Variants in KPNA5 observed in about 807,000 individuals in gnomAD.
The protein encoded by KPNA5 is importin subunit alpha-6.
KPNA5 carries 46 observed loss-of-function variants against 71.3 expected under a neutral mutation model. That is an observed-to-expected ratio of 0.65 (90% CI 0.51 to 0.83). The LOEUF is 0.83. Among genes scored for constraint, KPNA5 ranks in the 40% least tolerant of loss-of-function variants. The pLI is 0.00. For missense variants in KPNA5, 547 were observed against 628.3 expected, an observed-to-expected ratio of 0.87 and a Z score of 1.38; for synonymous variants, 207 against 201.4, an observed-to-expected ratio of 1.03 and a Z score of -0.24.
chr6:116,682,614 T>G (rs1777407516), intron 1 of KPNA5, among the ~76,000 whole-genome samples: 1 of 152,144 alleles, frequency 6.6e-6, no homozygotes, highest in African/African-American at 2.4e-5. Flanking sequence ...AAATGAAGGC[T>G]TTACTGGCAT....
chr6:116,721,953 T>C lies in KPNA5; in HGVS notation c.757-173T>C, dbSNP rs188946421. 1.5e-3 allele frequency among the ~76,000 whole-genome samples: 225 copies of C among 152,296 alleles called. 1 individual carries two copies. The highest frequency in any genetic ancestry group is 4.0e-4 in the Non-Finnish European group (27 of 68,020). ...TATCTTATTCAATATAACATAATAG[T>C]AGTCATAATCAGCTTCATATTCATA... On this transcript the variant is annotated intron_variant, in intron 8 of 13. Coordinates refer to ENST00000368564, the MANE Select transcript of KPNA5 (RefSeq NM_001366306.2).
At chr6:116,726,683 C>A in intron 12 of KPNA5, 61 bp downstream of exon 12, 1 of 1,362,228 alleles carries the variant, frequency 7.3e-7, no homozygotes, top group Non-Finnish European at 9.9e-7. Flanking sequence ...TGAAATAAAA[C>A]ATATTTTAAT....
chr6:116,722,536 A>G (rs770325805), intron 9 of KPNA5, among the ~76,000 whole-genome samples: 16 of 152,196 alleles, frequency 1.1e-4, no homozygotes, highest in Non-Finnish European at 2.2e-4. Flanking sequence ...CTCTTTATGA[A>G]TTAGATAAAC....
intron 7 of KPNA5, among the ~76,000 whole-genome samples, chr6:116,709,853 C>T (rs754315094): frequency 3.9e-5 from 6 of 151,946 alleles, no homozygotes; most frequent in Non-Finnish European, 7.4e-5. Flanking sequence ...CAGCCTCTGC[C>T]TCCTGGGTTC....
At chr6:116,710,002 G>A (rs1050883020) in intron 7 of KPNA5, among the ~76,000 whole-genome samples, 21 of 151,964 alleles carry the variant, frequency 1.4e-4, no homozygotes, top group African/African-American at 2.2e-4. Context: ...CTCGTGATCC[G>A]CCCGCCTCGA....
In KPNA5 at chr6:116,681,297, G is replaced by C. The variant is rs755586707; in HGVS notation, c.-38G>C. On this transcript the variant is annotated 5_prime_UTR_variant, in exon 1 of 14. Transcript: ENST00000368564. ...TTACCCGCCACACACGTCGCCGCTG[G>C]GGACTGGGAAATCAGGGCATCGGAG... 6.2e-6 allele frequency: 10 copies of C among 1,610,624 alleles called. No homozygotes were observed. Among genetic ancestry groups the C allele is most frequent in the South Asian group, 5.5e-5 (5 of 90,904 alleles).
In KPNA5 at chr6:116,732,205, T is replaced by C. The variant is rs1779527768; in HGVS notation, c.1502T>C (p.Ile501Thr). Residue 501 changes from isoleucine (I) to threonine (T), a missense_variant, in exon 14 of 14, where the codon ATT becomes ACT. Transcript: ENST00000368564. Reference protein sequence around the residue: ...QEIYQKAFDLIEHYFGVEEDD... With the variant: ...QEIYQKAFDLTEHYFGVEEDD... ...ATTTACCAGAAGGCATTTGATCTGA[T>C]TGAACATTACTTTGGTGTAGAAGAA... 11 of 1,583,176 alleles carry C rather than the reference T, an allele frequency of 6.9e-6. No individual in the cohort carries two copies. Among genetic ancestry groups the C allele is most frequent in the South Asian group, 2.3e-5 (2 of 85,490 alleles).
chr6:116,725,221 T>G (rs1231470821), intron 10 of KPNA5, among the ~76,000 whole-genome samples: 1 of 152,148 alleles, frequency 6.6e-6, no homozygotes, highest in Non-Finnish European at 1.5e-5. Flanking sequence ...ATTGGAGTAT[T>G]TTGAATATAG....
chr6:116,692,540 C>T (rs149919761), intron 4 of KPNA5, 148 bp downstream of exon 4: 37 of 562,058 alleles, frequency 6.6e-5, no homozygotes, highest in African/African-American at 5.7e-4. Context: ...AAGTAACATC[C>T]GTTTTTGAAC....
At chr6:116,682,273 G>T (rs961120419) in intron 1 of KPNA5, among the ~76,000 whole-genome samples, 3 of 152,134 alleles carry the variant, frequency 2.0e-5, no homozygotes, top group African/African-American at 7.2e-5. Flanking sequence ...AGCTTGCAGT[G>T]AGCCGAGAGC....
At position 116,733,981 on chromosome 6, in the gene KPNA5, G is replaced by C. The variant is rs1038807698; in HGVS notation, c.*1658G>C. The C allele has an allele frequency of 6.6e-6, 1 of 151,648 alleles. No individual in the cohort carries two copies. The highest frequency in any genetic ancestry group is 1.5e-5 in the Non-Finnish European group (1 of 67,718). The allele number at this position is 151,648 out of a possible 1,614,324, so 9.4% of individuals were successfully genotyped here. On this transcript the variant is annotated 3_prime_UTR_variant, in exon 14 of 14. Transcript: ENST00000368564. ...TAAAATACAGGTTTAAATGGTGTTCGTAATGCTGAGTGCATCTGCCAGCCC... is the reference window on the plus strand; with the variant it reads ...TAAAATACAGGTTTAAATGGTGTTCCTAATGCTGAGTGCATCTGCCAGCCC...
intron 2 of KPNA5, 152 bp downstream of exon 2, chr6:116,689,605 A>G: frequency 1.7e-6 from 1 of 600,068 alleles, no homozygotes; most frequent in Non-Finnish European, 2.7e-6. Flanking sequence ...AATTTGTGAA[A>G]CAGAACTCTG....
chr6:116,692,801 T>C (rs990019154), intron 4 of KPNA5, among the ~76,000 whole-genome samples: 3 of 152,204 alleles, frequency 2.0e-5, no homozygotes, highest in Admixed American at 6.5e-5. Context: ...TTATTACATA[T>C]GTATACGTGT....
At chr6:116,709,512 A>G (rs940635311) in intron 7 of KPNA5, among the ~76,000 whole-genome samples, 3 of 152,224 alleles carry the variant, frequency 2.0e-5, no homozygotes, top group African/African-American at 7.2e-5. Flanking sequence ...CAACATGGTA[A>G]GACTCCATCT....
chr6:116,704,316 G>A (rs1328093710), intron 6 of KPNA5, among the ~76,000 whole-genome samples: 1 of 152,080 alleles, frequency 6.6e-6, no homozygotes, highest in African/African-American at 2.4e-5. Context: ...GGAATTACAG[G>A]CATGAGCCAC....
intron 7 of KPNA5, among the ~76,000 whole-genome samples, chr6:116,710,097 T>C (rs1024443349): frequency 1.3e-5 from 2 of 152,310 alleles, no homozygotes; most frequent in Admixed American, 1.3e-4. Flanking sequence ...TTGAGCTCTT[T>C]TAAATACTTT....
intron 9 of KPNA5, among the ~76,000 whole-genome samples, 155 bp downstream of exon 9, chr6:116,722,444 A>C (rs1324246650): frequency 6.6e-6 from 1 of 152,218 alleles, no homozygotes; most frequent in African/African-American, 2.4e-5. Flanking sequence ...TAATCCTAGA[A>C]AGTTGACCCT....
Position 116,737,459 on chromosome 6 carries a change from C to T in KPNA5, c.*5136C>T, listed in dbSNP as rs1453687659. On this transcript the variant is annotated 3_prime_UTR_variant, in exon 14 of 14. Transcript: ENST00000368564. Reference sequence around the variant, plus strand: ...AGTTTTGTCACATTTGGTACTCTACCTTGTGAACTCTAGTTTTGTCCTCCC... The same window carrying T: ...AGTTTTGTCACATTTGGTACTCTACTTTGTGAACTCTAGTTTTGTCCTCCC... 1 of 151,986 alleles carries T rather than the reference C, an allele frequency of 6.6e-6. No individual in the cohort carries two copies. The highest frequency in any genetic ancestry group is 6.6e-5 in the Admixed American group (1 of 15,186). The allele number at this position is 151,986 out of a possible 1,614,324, so 9.4% of individuals were successfully genotyped here. A position where few individuals can be genotyped will look rare whatever the true frequency, so the allele number is the denominator to read the frequency against.
intron 7 of KPNA5, among the ~76,000 whole-genome samples, chr6:116,707,266 TTGAG>T (rs914489131): frequency 1.3e-5 from 2 of 152,216 alleles, no homozygotes; most frequent in African/African-American, 2.4e-5. Flanking sequence ...TTTTATCTGT[TTGAG>T]TGATATTTTA....
Sources: allele counts gnomAD v4.1 joint callset (sites outside exome capture counted in the v4.1 genomes callset), GRCh38; gene constraint gnomAD v4.1.1; transcripts MANE v1.5; gene names NCBI Gene and HGNC (gene_info 2026-07-23, HGNC 2026-07-21).